The following PAIP1 variants were observed in gnomAD, a reference collection of about 807,000 sequenced individuals.
PAIP1 encodes the protein polyadenylate-binding protein-interacting protein 1.
PAIP1 carries 16 observed loss-of-function variants against 61.3 expected under a neutral mutation model. That is an observed-to-expected ratio of 0.26 (90% CI 0.18 to 0.40). The LOEUF is 0.40. Among genes scored for constraint, PAIP1 ranks in the 10% least tolerant of loss-of-function variants. The pLI is 1.00. For missense variants in PAIP1, 416 were observed against 600.9 expected (o/e 0.69, Z 3.22); for synonymous variants, 187 against 226.2 (o/e 0.83, Z 1.56).
chr5:43,528,429 G>A (rs1453294026), intron 10 of PAIP1, among the ~76,000 whole-genome samples: 2 of 151,854 alleles, frequency 1.3e-5, no homozygotes, highest in Admixed American at 1.3e-4. Context: ...TTCCAATACA[G>A]GGCCATGTGT....
chr5:43,555,415 C>G (rs1429099591), intron 2 of PAIP1, among the ~76,000 whole-genome samples: 1 of 152,158 alleles, frequency 6.6e-6, no homozygotes, highest in South Asian at 2.1e-4. Flanking sequence ...GTGCTTTGTA[C>G]GGCTATTTAA....
In PAIP1 at chr5:43,529,768, TA is replaced by T. The variant is rs755230035; in HGVS notation, c.1346+17del. 17 of 1,287,312 alleles carry T rather than the reference TA, an allele frequency of 1.3e-5. No individual in the cohort carries two copies. The highest frequency in any genetic ancestry group is 2.2e-4 in the Middle Eastern group (1 of 4,628). 79.7% of individuals were successfully genotyped at this position (1,287,312 alleles called of 1,614,324 possible). A position where few individuals can be genotyped will look rare whatever the true frequency, so the allele number is the denominator to read the frequency against. ...AGACACAGAAATTTCACGAAGTTAG[TA>T]ACTGAAGAAAACTTACGGATCACCA... is the stretch of plus-strand genomic sequence containing the variant. On this transcript the variant is annotated intron_variant, in intron 10 of 10. Coordinates refer to ENST00000306846, the MANE Select transcript of PAIP1 (RefSeq NM_006451.5).
intron 10 of PAIP1, among the ~76,000 whole-genome samples, chr5:43,528,544 G>A (rs752416224): frequency 5.9e-5 from 9 of 152,030 alleles, no homozygotes; most frequent in African/African-American, 1.2e-4. Context: ...ATCTTCCAGC[G>A]GTATACCCAA....
intron 2 of PAIP1, among the ~76,000 whole-genome samples, chr5:43,555,511 T>C (rs1748024416): frequency 6.6e-6 from 1 of 152,254 alleles, no homozygotes; most frequent in Admixed American, 6.5e-5. Flanking sequence ...TGTAAATACT[T>C]TATCACAACC....
chr5:43,553,201 C>A (rs1457431433), intron 2 of PAIP1, among the ~76,000 whole-genome samples: 1 of 151,874 alleles, frequency 6.6e-6, no homozygotes, highest in Non-Finnish European at 1.5e-5. Flanking sequence ...AAATAATGGC[C>A]AGGGATAAAT....
intron 3 of PAIP1, among the ~76,000 whole-genome samples, chr5:43,544,107 C>T (rs1215916904): frequency 7.1e-6 from 1 of 140,442 alleles, no homozygotes; most frequent in African/African-American, 2.6e-5. Context: ...CACGCCACTG[C>T]ACTCTAGTCT....
chr5:43,546,363 T>A (rs756861718), intron 3 of PAIP1, among the ~76,000 whole-genome samples: 2 of 152,230 alleles, frequency 1.3e-5, no homozygotes, highest in Non-Finnish European at 2.9e-5. Flanking sequence ...TAAATACATT[T>A]GTTTCATTTT....
chr5:43,530,589 T>A (rs1746894526), intron 9 of PAIP1, among the ~76,000 whole-genome samples: 1 of 152,224 alleles, frequency 6.6e-6, no homozygotes, highest in Non-Finnish European at 1.5e-5. Context: ...AAAAGCCATG[T>A]TCTTCCAAGA....
At chr5:43,538,818 T>C (rs1747261934) in intron 5 of PAIP1, 106 bp downstream of exon 5, 1 of 669,158 alleles carries the variant, frequency 1.5e-6, no homozygotes, top group South Asian at 1.9e-5. Flanking sequence ...CTCTCTTTCA[T>C]TTCACTCTTA....
At chr5:43,542,533 CAAAAA>C (rs35220672) in intron 4 of PAIP1, among the ~76,000 whole-genome samples, 2 of 62,138 alleles carry the variant, frequency 3.2e-5, no homozygotes, top group African/African-American at 5.3e-5. Context: ...GACTCCATCT[CAAAAA>C]AAAAAAAAAA....
At position 43,548,393 on chromosome 5, in the gene PAIP1, G is replaced by A. The variant is rs528739851; in HGVS notation, c.436-480C>T. Among the ~76,000 whole-genome samples, 709 of 112,112 alleles carry A rather than the reference G, an allele frequency of 6.3e-3. 5 individuals are homozygous for A. Among genetic ancestry groups the A allele is most frequent in the African/African-American group, 0.017 (637 of 37,080 alleles). The allele number at this position is 112,112 out of a possible 152,430, so 73.5% of individuals were successfully genotyped here. A position where few individuals can be genotyped will look rare whatever the true frequency, so the allele number is the denominator to read the frequency against. The stretch of plus-strand genomic sequence containing the variant: ...GCAAATGTTGACAACTTTTTTATTG[G>A]GGAAAAAAAAAACAAAAACAAAAAC... On this transcript the variant is annotated intron_variant, in intron 2 of 10. Transcript: ENST00000306846.
At chr5:43,552,884 A>T (rs1400708820) in intron 2 of PAIP1, among the ~76,000 whole-genome samples, 1 of 152,224 alleles carries the variant, frequency 6.6e-6, no homozygotes. Flanking sequence ...AGATAAATTT[A>T]AAAATCGGAA....
At chr5:43,534,768 C>T in intron 8 of PAIP1, 85 bp downstream of exon 8, 1 of 766,690 alleles carries the variant, frequency 1.3e-6, no homozygotes, top group Non-Finnish European at 2.3e-6. Flanking sequence ...GCACTGAATT[C>T]TGAGAACAGC....
intron 2 of PAIP1, among the ~76,000 whole-genome samples, chr5:43,552,122 G>A (rs1437005737): frequency 3.9e-5 from 6 of 152,136 alleles, no homozygotes; most frequent in Non-Finnish European, 7.4e-5. Flanking sequence ...GTCAAGAGAT[G>A]AGAACCTATT....
Position 43,533,786 on chromosome 5 carries a change from G to A in PAIP1, c.1204C>T (p.Pro402Ser). 1.3e-6 allele frequency: 2 copies of A among 1,557,998 alleles called. No individual in the cohort carries two copies. The highest frequency in any genetic ancestry group is 1.8e-6 in the Non-Finnish European group (2 of 1,128,902). The change falls in exon 9 of 11, where the codon CCA becomes TCA. Residue 402 changes from proline (P) to serine (S), a missense_variant. By Grantham distance (74) the Pro-to-Ser change is moderately conservative (BLOSUM62 -1). Transcript: ENST00000306846. ...ENDPNYFMNE[P>S]TFYTSDGVPF... is the part of the protein sequence containing the mutation. ...ACACCATCAGATGTATAAAATGTTG[G>A]TTCATTCTAGGATGAATCAAAGTGA...
At chr5:43,542,175 CGG>C (rs1747441159) in intron 4 of PAIP1, among the ~76,000 whole-genome samples, 1 of 139,746 alleles carries the variant, frequency 7.2e-6, no homozygotes, top group Admixed American at 7.4e-5. Flanking sequence ...GACTCGGTCT[CGG>C]AAAAAAAAAA....
chr5:43,550,131 T>A (rs1172019238), intron 2 of PAIP1, among the ~76,000 whole-genome samples: 5 of 152,190 alleles, frequency 3.3e-5, no homozygotes, highest in Non-Finnish European at 7.3e-5. Flanking sequence ...TGTGCCTTTT[T>A]CATTCACATA....
In PAIP1 at chr5:43,547,839, T is replaced by C. The variant is rs199943496; in HGVS notation, c.510A>G (p.Thr170=). 5.9e-5 allele frequency: 95 copies of C among 1,611,930 alleles called. No homozygotes were observed. The East Asian group carries it at 2.0e-3, about 33-fold the overall frequency. Residue 170 remains threonine, a synonymous_variant, in exon 3 of 11, where the codon ACA becomes ACG. Coordinates refer to ENST00000306846, the MANE Select transcript of PAIP1 (RefSeq NM_006451.5). ...EYVQDFLNHL[T]EQPGSFETEI... ...CAGTTTCAAAACTGCCAGGCTGCTC[T>C]GTAAGATGATTCAAAAAATCCTGAA...
intron 4 of PAIP1, among the ~76,000 whole-genome samples, chr5:43,542,177 G>GAA (rs770528484): frequency 8.1e-6 from 1 of 123,552 alleles, no homozygotes; most frequent in Non-Finnish European, 1.7e-5. Flanking sequence ...CTCGGTCTCG[G>GAA]AAAAAAAAAA....
Sources: gnomAD v4.1 joint callset for allele counts (sites outside exome capture counted in the v4.1 genomes callset) on GRCh38, gnomAD v4.1.1 for gene constraint, MANE v1.5 for transcripts, NCBI Gene and HGNC (gene_info 2026-07-23, HGNC 2026-07-21) for gene names.